PHLPP1: variants seen among roughly 807,000 people sequenced by gnomAD.
PHLPP1 encodes PH domain and leucine rich repeat protein phosphatase 1.
A neutral mutation model predicts 117.2 loss-of-function variants in PHLPP1; 42 were observed. The ratio of observed to expected loss-of-function variants is 0.36; its 90% CI spans 0.28 to 0.46. The LOEUF is 0.46. Ranked by LOEUF, PHLPP1 falls within the 20% of genes least tolerant of loss-of-function variation. The probability of loss-of-function intolerance (pLI) is 1.00; values close to 1 mark genes in which losing one functional copy is unlikely to be tolerated. For missense variants in PHLPP1, 2,084 were observed against 2,241.9 expected, an observed-to-expected ratio of 0.93 and a Z score of 1.42; for synonymous variants, 1,042 against 970.7, an observed-to-expected ratio of 1.07 and a Z score of -1.37.
intron 3 of PHLPP1, among the ~76,000 whole-genome samples, chr18:62,847,640 A>G (rs1298677199): frequency 1.3e-5 from 2 of 151,674 alleles, no homozygotes; most frequent in African/African-American, 4.8e-5. Context: ...TATTAACTGC[A>G]GTTTTCTAAA....
At chr18:62,951,428 T>A (rs1910455449) in intron 12 of PHLPP1, among the ~76,000 whole-genome samples, 2 of 152,242 alleles carry the variant, frequency 1.3e-5, no homozygotes, top group African/African-American at 4.8e-5. Flanking sequence ...TAGTCCTTCA[T>A]GAACTCATGC....
intron 14 of PHLPP1, among the ~76,000 whole-genome samples, chr18:62,971,476 C>T (rs1911046815): frequency 6.6e-6 from 1 of 151,754 alleles, no homozygotes; most frequent in African/African-American, 2.4e-5. Flanking sequence ...GAGACAGTCT[C>T]CAAACTTTCC....
At chr18:62,834,602 G>C (rs531182543) in intron 2 of PHLPP1, among the ~76,000 whole-genome samples, 1 of 152,240 alleles carries the variant, frequency 6.6e-6, no homozygotes, top group East Asian at 1.9e-4. Context: ...GTTTTTCAGG[G>C]TCGATGTACC....
At chr18:62,873,118 G>T (rs1915951838) in intron 4 of PHLPP1, among the ~76,000 whole-genome samples, 1 of 152,058 alleles carries the variant, frequency 6.6e-6, no homozygotes, top group Non-Finnish European at 1.5e-5. Context: ...GTATTCTGCA[G>T]TCCTTCATAA....
At chr18:62,808,866 C>A (rs753796700) in intron 1 of PHLPP1, among the ~76,000 whole-genome samples, 4 of 151,988 alleles carry the variant, frequency 2.6e-5, no homozygotes, top group African/African-American at 9.7e-5. Context: ...GAATTTGTAT[C>A]TCATGTGATT....
chr18:62,774,820 G>A (rs1254233554), intron 1 of PHLPP1, among the ~76,000 whole-genome samples: 2 of 151,068 alleles, frequency 1.3e-5, no homozygotes, highest in African/African-American at 2.4e-5. Flanking sequence ...CAAATGAATA[G>A]CACATGAAAT....
chr18:62,972,649 G>A lies in PHLPP1; in HGVS notation c.3696G>A (p.Glu1232=), dbSNP rs775844555. 15 of 1,613,888 alleles carry A rather than the reference G, an allele frequency of 9.3e-6. No individual in the cohort carries two copies. Among genetic ancestry groups the A allele is most frequent in the Non-Finnish European group, 1.3e-5 (15 of 1,179,832 alleles). The change falls in exon 15 of 17, where the codon GAG becomes GAA. Residue 1232 remains glutamate, a synonymous_variant. Transcript: ENST00000262719. The part of the protein sequence containing the change: ...QCTMSDILAE[E]LQKTKNEEEY... ...CTATGAGTGACATTTTGGCTGAAGA[G>A]CTGCAAAAAACAAAAAACGAAGAAG...
chr18:62,925,285 G>A (rs1255821608), intron 10 of PHLPP1, among the ~76,000 whole-genome samples: 1 of 152,126 alleles, frequency 6.6e-6, no homozygotes, highest in Non-Finnish European at 1.5e-5. Context: ...TCCTATTAAA[G>A]TCAGCCTAAT....
At chr18:62,722,056 G>C (rs562622221) in intron 1 of PHLPP1, among the ~76,000 whole-genome samples, 1 of 152,140 alleles carries the variant, frequency 6.6e-6, no homozygotes, top group South Asian at 2.1e-4. Context: ...ATCCTGTTTG[G>C]GTCCCCAGGG....
At chr18:62,974,650 A>G (rs959807818) in intron 15 of PHLPP1, among the ~76,000 whole-genome samples, 1 of 152,228 alleles carries the variant, frequency 6.6e-6, no homozygotes, top group Non-Finnish European at 1.5e-5. Flanking sequence ...ATCTGCCAGA[A>G]CAAGTAGCTT....
At chr18:62,962,712 G>C (rs1910804011) in intron 13 of PHLPP1, among the ~76,000 whole-genome samples, 1 of 152,186 alleles carries the variant, frequency 6.6e-6, no homozygotes, top group Non-Finnish European at 1.5e-5. Context: ...GGAGAGGTAA[G>C]AAATCTCCCA....
chr18:62,839,072 T>G, intron 3 of PHLPP1, 163 bp downstream of exon 3: 2 of 687,150 alleles, frequency 2.9e-6, no homozygotes, highest in Non-Finnish European at 4.7e-6. Flanking sequence ...AAACTAATTT[T>G]GCCTGAAAAG....
intron 1 of PHLPP1, among the ~76,000 whole-genome samples, chr18:62,754,592 G>A (rs1911955238): frequency 6.6e-6 from 1 of 152,228 alleles, no homozygotes; most frequent in Non-Finnish European, 1.5e-5. Flanking sequence ...AAAGCTTCGT[G>A]TACTTTGGAT....
At chr18:62,807,937 A>G (rs1257032682) in intron 1 of PHLPP1, among the ~76,000 whole-genome samples, 2 of 152,294 alleles carry the variant, frequency 1.3e-5, no homozygotes, top group East Asian at 3.9e-4. Context: ...AACACTGGAC[A>G]CTTAGGCTAC....
intron 4 of PHLPP1, among the ~76,000 whole-genome samples, chr18:62,894,633 C>G (rs768171726): frequency 6.6e-6 from 1 of 152,126 alleles, no homozygotes; most frequent in African/African-American, 2.4e-5. Flanking sequence ...GAAACAGCAC[C>G]GACTCCAGAA....
At chr18:62,829,506 C>G (rs1664000524) in intron 1 of PHLPP1, among the ~76,000 whole-genome samples, 1 of 152,182 alleles carries the variant, frequency 6.6e-6, no homozygotes, top group Admixed American at 6.5e-5. Flanking sequence ...AATCCCAGCA[C>G]TTTGGGAGGC....
At chr18:62,882,011 TG>T (rs1346397380) in intron 4 of PHLPP1, among the ~76,000 whole-genome samples, 2 of 152,178 alleles carry the variant, frequency 1.3e-5, no homozygotes, top group African/African-American at 4.8e-5. Context: ...GGGCAAAAGG[TG>T]TTCCTTCCTT....
intron 1 of PHLPP1, among the ~76,000 whole-genome samples, chr18:62,740,198 G>C (rs1911483608): frequency 6.6e-6 from 1 of 152,172 alleles, no homozygotes; most frequent in African/African-American, 2.4e-5. Flanking sequence ...AGAAAGGCAG[G>C]ATGTTCAGAA....
intron 8 of PHLPP1, among the ~76,000 whole-genome samples, chr18:62,912,145 A>T (rs1170822891): frequency 1.9e-5 from 2 of 107,050 alleles, no homozygotes; most frequent in East Asian, 2.8e-4. Context: ...CACTCTGGGG[A>T]CTGTGGTGGG....
Sources: allele counts gnomAD v4.1 joint callset (sites outside exome capture counted in the v4.1 genomes callset), GRCh38; gene constraint gnomAD v4.1.1; transcripts MANE v1.5; gene names NCBI Gene and HGNC (gene_info 2026-07-23, HGNC 2026-07-21).